Variants in MAPK8IP3 observed in about 807,000 individuals in gnomAD.
MAPK8IP3 encodes mitogen-activated protein kinase 8 interacting protein 3.
In MAPK8IP3, 49 loss-of-function variants were observed where a neutral mutation model predicts 157.8. That is an observed-to-expected ratio of 0.31 (90% CI 0.25 to 0.39). MAPK8IP3 has a LOEUF of 0.39. MAPK8IP3 is among the 10% of genes least tolerant of loss of function. The pLI, the probability that MAPK8IP3 is intolerant of heterozygous loss-of-function variation, is 1.00. For missense variants in MAPK8IP3, 1,478 were observed against 1,889.4 expected, an observed-to-expected ratio of 0.78 and a Z score of 4.04; for synonymous variants, 897 against 777.7, an observed-to-expected ratio of 1.15 and a Z score of -2.55.
At chr16:1,755,084 A>T (rs1375281180) in intron 8 of MAPK8IP3, among the ~76,000 whole-genome samples, 1 of 152,170 alleles carries the variant, frequency 6.6e-6, no homozygotes, top group Non-Finnish European at 1.5e-5. Context: ...GGAGAGAAAA[A>T]GCTTGCAGGA....
chr16:1,768,642 G>A lies in MAPK8IP3; in HGVS notation c.3892+16G>A, dbSNP rs747636820. 3 of 1,609,674 alleles carry A rather than the reference G, an allele frequency of 1.9e-6. No individual in the cohort carries two copies. The highest frequency in any genetic ancestry group is 2.2e-5 in the East Asian group (1 of 44,770). On this transcript the variant is annotated intron_variant, in intron 31 of 31. Coordinates refer to ENST00000610761, the MANE Select transcript of MAPK8IP3 (RefSeq NM_001318852.2). ...TTCCGCATTGGTGAGCGGGGCCCAG[G>A]GACAGGGCTGAGGTTGGGCGCGGGG...
At chr16:1,711,034 G>A (rs1301342158) in intron 1 of MAPK8IP3, among the ~76,000 whole-genome samples, 2 of 152,264 alleles carry the variant, frequency 1.3e-5, no homozygotes, top group East Asian at 3.9e-4. Flanking sequence ...TCCGCTGCGG[G>A]AGCCCCCGGG....
At position 1,768,239 on chromosome 16, in the gene MAPK8IP3, C is replaced by G. The variant is rs546631939; in HGVS notation, c.3603C>G (p.Pro1201=). ...CCACCTCTGGGGAGGGCGCCCGTCC[C>G]GGGGGCATCATCCACGTGTATGGCG... is the stretch of plus-strand genomic sequence containing the variant. The part of the protein sequence containing the change: ...TSPTSGEGAR[P]GGIIHVYGDD... Residue 1201 remains proline (P), a synonymous_variant, in exon 30 of 32, where the codon CCC becomes CCG. Coordinates refer to ENST00000610761, the MANE Select transcript of MAPK8IP3 (RefSeq NM_001318852.2). 7.4e-6 allele frequency: 12 copies of G among 1,612,338 alleles called. No homozygotes were observed. Among genetic ancestry groups the G allele is most frequent in the East Asian group, 2.2e-5 (1 of 44,884 alleles).
At chr16:1,750,202 G>GTTTATTTATTTA (rs370041068) in intron 8 of MAPK8IP3, among the ~76,000 whole-genome samples, 51 of 151,894 alleles carry the variant, frequency 3.4e-4, no homozygotes, top group Non-Finnish European at 6.0e-4. Context: ...TTCAGATAAT[G>GTTTATTTATTTA]TTTATTTATT....
chr16:1,718,591 C>G (rs1393418879), intron 1 of MAPK8IP3, among the ~76,000 whole-genome samples: 1 of 150,890 alleles, frequency 6.6e-6, no homozygotes. Context: ...GTCAGGAGTT[C>G]AAGAGCAGCC....
rs879220625 is a variant in MAPK8IP3, at chr16:1,760,426, C to A, written c.1351C>A (p.Gln451Lys). Residue 451 changes from glutamine (Q) to lysine (K), a missense_variant, in exon 12 of 32, where the codon CAG (glutamine) becomes AAG (lysine). By Grantham distance (53) the Gln-to-Lys change is moderately conservative. This residue lies in a region of MAPK8IP3 where 96 missense variants were observed against 106.3 expected (regional missense o/e 0.90). Transcript: ENST00000610761. ...GAATGACCTGATTGCCAAGGTCGAC[C>A]AGCTGTCCGGGGAGCAGGAGGTGCT... ...VKNDLIAKVDQLSGEQEVLRG... is the reference protein window; with the variant it reads ...VKNDLIAKVDKLSGEQEVLRG... 1 of 1,613,758 alleles carries A rather than the reference C, an allele frequency of 6.2e-7. No homozygotes were observed. Among genetic ancestry groups the A allele is most frequent in the Non-Finnish European group, 8.5e-7 (1 of 1,179,864 alleles).
rs145908595 is a variant in MAPK8IP3 at position 1,730,505 on chromosome 16, C to T, written c.602+927C>T. On this transcript the variant is annotated intron_variant, in intron 4 of 31. Transcript: ENST00000610761. Reference sequence around the variant, plus strand: ...CTGTCATTCCAGCACTTTGGGAGGCCGAGGTGGGCAGATCACGAGATCAGG... The same window carrying T: ...CTGTCATTCCAGCACTTTGGGAGGCTGAGGTGGGCAGATCACGAGATCAGG... Among the ~76,000 whole-genome samples the T allele has an allele frequency of 2.5e-3, 380 of 151,454 alleles. 2 individuals carry two copies. The highest frequency in any genetic ancestry group is 0.014 in the Middle Eastern group (4 of 290).
chr16:1,724,754 A>G lies in MAPK8IP3; in HGVS notation c.439+77A>G, dbSNP rs568305797. The G allele has an allele frequency of 1.2e-5, 19 of 1,561,480 alleles. No homozygotes were observed. In the Admixed American group the frequency reaches 3.2e-4, roughly 26 times the overall value. On this transcript the variant is annotated intron_variant, in intron 2 of 31. Coordinates refer to ENST00000610761, the MANE Select transcript of MAPK8IP3 (RefSeq NM_001318852.2). This position sits in a 1 kb window ranked among gnomAD's most constrained non-coding sequence, Gnocchi z 4.1. ...ACGGCTCTGGTTGGGGTGGGCATGG[A>G]GCGCCTTCCACACAAGGGGACGAGA...
rs760191354 is a variant in MAPK8IP3 at position 1,764,125 on chromosome 16, A to C, written c.2036A>C (p.Asn679Thr). 1 of 1,609,440 alleles carries C rather than the reference A, an allele frequency of 6.2e-7. No individual in the cohort carries two copies. Among genetic ancestry groups the C allele is most frequent in the East Asian group, 2.2e-5 (1 of 44,796 alleles). ...CCCTGCTCCCTGCAGCTGAGTCCCAACGGGGGCCAGGAGGACACGCGGATG... is the reference window on the plus strand; with the variant it reads ...CCCTGCTCCCTGCAGCTGAGTCCCACCGGGGGCCAGGAGGACACGCGGATG... ...LPAKYKQLSP[N>T]GGQEDTRMKN... is the part of the protein sequence containing the mutation. The change falls in exon 18 of 32, where the codon AAC (asparagine) becomes ACC (threonine). Residue 679 changes from asparagine to threonine, a missense_variant. Coordinates refer to ENST00000610761, the MANE Select transcript of MAPK8IP3 (RefSeq NM_001318852.2).
At chr16:1,738,356 A>G (rs1213400645) in intron 4 of MAPK8IP3, among the ~76,000 whole-genome samples, 3 of 60,236 alleles carry the variant, frequency 5.0e-5, no homozygotes, top group Non-Finnish European at 6.0e-5. Context: ...GTGTGTGACC[A>G]TCCGTGTGAG....
chr16:1,719,561 A>T (rs150181502), intron 1 of MAPK8IP3, among the ~76,000 whole-genome samples: 66 of 151,494 alleles, frequency 4.4e-4, no homozygotes, highest in African/African-American at 1.5e-3. Flanking sequence ...GTAGCCAGGC[A>T]CAGTGGCTCA....
rs2041091910 is a variant in MAPK8IP3 at position 1,748,315 on chromosome 16, C to T, written c.1066C>T (p.Pro356Ser). ...CTCCACGCCAGAGCTGGACATGTGT[C>T]CAGAGACCCGCCTGGACCGCACAGG... ...IDSTPELDMC[P>S]ETRLDRTGSS... Residue 356 changes from proline (P) to serine (S), a missense_variant, in exon 7 of 32, where the codon CCA becomes TCA. Pro to Ser is a moderately conservative substitution (Grantham distance 74). Around this residue, in one of 11 missense-constraint regions of MAPK8IP3, gnomAD observed 315 missense variants for 394.4 expected, o/e 0.80. Coordinates refer to ENST00000610761, the MANE Select transcript of MAPK8IP3 (RefSeq NM_001318852.2). 3.1e-6 allele frequency: 5 copies of T among 1,613,904 alleles called. No individual in the cohort carries two copies. Among genetic ancestry groups the T allele is most frequent in the Non-Finnish European group, 4.2e-6 (5 of 1,180,008 alleles).
At chr16:1,735,972 G>A (rs867475734) in intron 4 of MAPK8IP3, among the ~76,000 whole-genome samples, 4 of 144,786 alleles carry the variant, frequency 2.8e-5, no homozygotes, top group Admixed American at 6.9e-5. Flanking sequence ...GTGAGCATCC[G>A]TGTGACCGTC....
rs1332055569 is a variant in MAPK8IP3, at chr16:1,762,614, A to T, written c.1671-61A>T. On this transcript the variant is annotated intron_variant, in intron 14 of 31. Transcript: ENST00000610761. ...GGGTGCTTCCTGGCGGGAGCCAGAG[A>T]GTCGCAGGTAAGGGAGGCGTGAGGG... is the stretch of plus-strand genomic sequence containing the variant. The T allele has an allele frequency of 1.9e-6, 3 of 1,544,842 alleles. No homozygotes were observed. The Admixed American group carries it at 5.7e-5, about 30-fold the overall frequency.
At chr16:1,749,008 T>C (rs1596712981) in intron 8 of MAPK8IP3, 2 of 490,252 alleles carry the variant, frequency 4.1e-6, no homozygotes, top group Middle Eastern at 4.0e-4. Context: ...CTCTAGGTTA[T>C]GTTGTAGATG....
At chr16:1,728,490 A>G (rs1027445088) in intron 2 of MAPK8IP3, among the ~76,000 whole-genome samples, 1 of 152,234 alleles carries the variant, frequency 6.6e-6, no homozygotes, top group African/African-American at 2.4e-5. Context: ...ACTTTAGCAC[A>G]GAGAGCGCCT....
At chr16:1,713,141 G>A (rs1401186232) in intron 1 of MAPK8IP3, among the ~76,000 whole-genome samples, 2 of 152,260 alleles carry the variant, frequency 1.3e-5, no homozygotes, top group Non-Finnish European at 2.9e-5. Flanking sequence ...AACGTTCTGG[G>A]ATGATGGAAA....
intron 1 of MAPK8IP3, among the ~76,000 whole-genome samples, chr16:1,718,185 A>G (rs2038281711): frequency 6.9e-6 from 1 of 144,758 alleles, no homozygotes; most frequent in African/African-American, 2.7e-5. Context: ...TCAGAAGTAA[A>G]TGATTTTTTT....
At chr16:1,761,903 C>T (rs189510821) in intron 13 of MAPK8IP3, among the ~76,000 whole-genome samples, 5 of 152,316 alleles carry the variant, frequency 3.3e-5, no homozygotes, top group South Asian at 2.1e-4. Context: ...GGGGACTCAC[C>T]GGCGCTTCTG....
Sources: gnomAD v4.1 joint callset for allele counts (sites outside exome capture counted in the v4.1 genomes callset) on GRCh38, gnomAD v4.1.1 for gene constraint, gnomAD v4.1.1 regional missense constraint, Gnocchi (gnomAD v3.1) non-coding constraint, MANE v1.5 for transcripts, NCBI Gene and HGNC (gene_info 2026-07-23, HGNC 2026-07-21) for gene names.